DYNC1I1: variants seen among roughly 807,000 people sequenced by gnomAD.
The protein encoded by DYNC1I1 is dynein cytoplasmic 1 intermediate chain 1.
A neutral mutation model predicts 86.6 loss-of-function variants in DYNC1I1; 43 were observed. The observed-to-expected ratio is 0.50, with a 90% CI of 0.39 to 0.64. DYNC1I1 has a LOEUF of 0.64. Among genes scored for constraint, DYNC1I1 ranks in the 30% least tolerant of loss-of-function variants. DYNC1I1 has a pLI of 0.00. For synonymous variants in DYNC1I1, 262 were observed against 283.7 expected (o/e 0.92, Z 0.77); for missense variants, 604 against 788.8 (o/e 0.77, Z 2.81).
At chr7:95,777,771 C>G (rs1472837372) in intron 1 of DYNC1I1, among the ~76,000 whole-genome samples, 1 of 152,160 alleles carries the variant, frequency 6.6e-6, no homozygotes, top group Non-Finnish European at 1.5e-5. Context: ...GACGATTGTA[C>G]TTGATCAACA....
At chr7:95,949,407 G>A (rs543228502) in intron 6 of DYNC1I1, among the ~76,000 whole-genome samples, 2 of 152,320 alleles carry the variant, frequency 1.3e-5, no homozygotes, top group African/African-American at 2.4e-5. Flanking sequence ...GAAGTGATGC[G>A]TAATTCACCT....
intron 6 of DYNC1I1, among the ~76,000 whole-genome samples, chr7:95,935,044 C>CTA (rs1019668193): frequency 7.3e-5 from 11 of 151,582 alleles, no homozygotes; most frequent in Non-Finnish European, 1.6e-4. Flanking sequence ...TTATTGTTAA[C>CTA]TATAGATACA....
intron 6 of DYNC1I1, among the ~76,000 whole-genome samples, chr7:95,892,894 T>C (rs760088330): frequency 2.4e-4 from 37 of 152,230 alleles, no homozygotes; most frequent in Non-Finnish European, 2.8e-4. Flanking sequence ...CACAATCACT[T>C]GCTTTTATGC....
intron 16 of DYNC1I1, among the ~76,000 whole-genome samples, chr7:96,087,322 G>A (rs1396296598): frequency 1.3e-5 from 2 of 152,204 alleles, no homozygotes; most frequent in Non-Finnish European, 2.9e-5. Flanking sequence ...CAATCAGCCA[G>A]TTTTAATAAC....
At chr7:95,881,341 C>G (rs1790449609) in intron 6 of DYNC1I1, among the ~76,000 whole-genome samples, 1 of 150,862 alleles carries the variant, frequency 6.6e-6, no homozygotes, top group Admixed American at 6.7e-5. Flanking sequence ...AGGAAGCTTG[C>G]TATACTTGAT....
At chr7:96,073,563 A>G (rs1304029932) in intron 14 of DYNC1I1, among the ~76,000 whole-genome samples, 1 of 152,244 alleles carries the variant, frequency 6.6e-6, no homozygotes, top group African/African-American at 2.4e-5. Context: ...AAGGATTTGC[A>G]ATTGTGTTAC....
intron 9 of DYNC1I1, among the ~76,000 whole-genome samples, chr7:95,987,807 T>G (rs1372398621): frequency 6.6e-6 from 1 of 152,204 alleles, no homozygotes; most frequent in African/African-American, 2.4e-5. Context: ...AACTCATTAT[T>G]TTCATATATC....
intron 6 of DYNC1I1, among the ~76,000 whole-genome samples, chr7:95,929,307 A>C (rs1339474022): frequency 6.6e-6 from 1 of 152,182 alleles, no homozygotes; most frequent in African/African-American, 2.4e-5. Context: ...AGAGCAGAAG[A>C]AATTGCTCCT....
At chr7:95,977,669 G>T (rs993575878) in intron 7 of DYNC1I1, 68 bp downstream of exon 7, 10 of 1,438,660 alleles carry the variant, frequency 7.0e-6, no homozygotes, top group Non-Finnish European at 9.5e-6. Context: ...ACTAATATAA[G>T]AGACTATAGA....
At chr7:96,022,201 A>G (rs1227119177) in intron 10 of DYNC1I1, among the ~76,000 whole-genome samples, 1 of 152,060 alleles carries the variant, frequency 6.6e-6, no homozygotes, top group Non-Finnish European at 1.5e-5. Flanking sequence ...TAGCCAACCT[A>G]GTGGATGTTA....
intron 1 of DYNC1I1, among the ~76,000 whole-genome samples, chr7:95,779,879 A>C (rs1317841467): frequency 1.3e-5 from 2 of 152,198 alleles, no homozygotes; most frequent in Non-Finnish European, 2.9e-5. Context: ...GGTAATACCT[A>C]GAATCCTGGA....
At position 95,810,623 on chromosome 7, in the gene DYNC1I1, A is replaced by G. The variant is rs1584244187; in HGVS notation, c.223+117A>G. 6.9e-6 allele frequency: 6 copies of G among 870,670 alleles called. No homozygotes were observed. The East Asian group carries it at 1.8e-4, about 26-fold the overall frequency. The allele number at this position is 870,670 out of a possible 1,614,324, so 53.9% of individuals were successfully genotyped here. ...TTTTTTTTAATTTTTATTTTTAAAG[A>G]CATTCTGTGGCTTATGGTTCAGGTT... On this transcript the variant is annotated intron_variant, in intron 3 of 16. Coordinates refer to ENST00000447467, the MANE Select transcript of DYNC1I1 (RefSeq NM_001135556.2).
intron 6 of DYNC1I1, among the ~76,000 whole-genome samples, chr7:95,909,917 TTCTCTC>T (rs1791284848): frequency 6.6e-6 from 1 of 152,084 alleles, no homozygotes; most frequent in Non-Finnish European, 1.5e-5. Flanking sequence ...TCATCTGTCT[TTCTCTC>T]TCTTTCTCAG....
At chr7:95,831,709 C>T (rs573250843) in intron 5 of DYNC1I1, among the ~76,000 whole-genome samples, 8 of 152,172 alleles carry the variant, frequency 5.3e-5, no homozygotes, top group African/African-American at 1.9e-4. Context: ...GATTGCATCT[C>T]ATTATAGTTT....
In DYNC1I1 at chr7:95,980,247, T is replaced by A. The variant is rs139579873; in HGVS notation, c.580+2646T>A. ...GTATGCCTTATTCTCCATTAATGGC[T>A]TTTCTGCAAATTAACACATAATGGG... On this transcript the variant is annotated intron_variant, in intron 7 of 16. Transcript: ENST00000447467. Among the ~76,000 whole-genome samples the A allele has an allele frequency of 3.9e-3, 588 of 152,204 alleles. 12 individuals are homozygous for A. Among genetic ancestry groups the A allele is most frequent in the Admixed American group, 0.025 (385 of 15,280 alleles).
chr7:95,998,306 T>A (rs886403060), intron 10 of DYNC1I1, among the ~76,000 whole-genome samples: 1 of 152,248 alleles, frequency 6.6e-6, no homozygotes, highest in African/African-American at 2.4e-5. Flanking sequence ...TGGGCAGACA[T>A]GGGACTTGAT....
At chr7:95,821,977 CTT>C (rs1795085919) in intron 4 of DYNC1I1, among the ~76,000 whole-genome samples, 1 of 152,144 alleles carries the variant, frequency 6.6e-6, no homozygotes, top group African/African-American at 2.4e-5. Context: ...CAAAAACACT[CTT>C]TAGGAAATAA....
intron 1 of DYNC1I1, among the ~76,000 whole-genome samples, chr7:95,803,353 T>C (rs978753121): frequency 2.6e-5 from 4 of 152,220 alleles, no homozygotes; most frequent in African/African-American, 9.6e-5. Flanking sequence ...TCCCTATTCA[T>C]TATAAAGTGC....
At chr7:95,883,020 A>C (rs1308941680) in intron 6 of DYNC1I1, among the ~76,000 whole-genome samples, 1 of 152,106 alleles carries the variant, frequency 6.6e-6, no homozygotes. Context: ...GAGTGATTTC[A>C]TCCCTGTCCG....
Sources: allele counts gnomAD v4.1 joint callset (sites outside exome capture counted in the v4.1 genomes callset), GRCh38; gene constraint gnomAD v4.1.1; transcripts MANE v1.5; gene names NCBI Gene and HGNC (gene_info 2026-07-23, HGNC 2026-07-21).